DNER: variants seen among roughly 807,000 people sequenced by gnomAD.
DNER encodes delta/notch like EGF repeat containing.
DNER carries 33 observed loss-of-function variants against 78.2 expected under a neutral mutation model. The ratio of observed to expected loss-of-function variants is 0.42; its 90% CI spans 0.32 to 0.56. DNER has a LOEUF of 0.56. DNER is among the 20% of genes least tolerant of loss of function. The pLI is 0.11. For missense variants in DNER, 918 were observed against 975.3 expected, an observed-to-expected ratio of 0.94 and a Z score of 0.78; for synonymous variants, 417 against 384.8, an observed-to-expected ratio of 1.08 and a Z score of -0.98.
At chr2:229,638,844 C>A (rs899016887) in intron 1 of DNER, among the ~76,000 whole-genome samples, 1 of 152,128 alleles carries the variant, frequency 6.6e-6, no homozygotes, top group Non-Finnish European at 1.5e-5. Context: ...TCGGTAAAAC[C>A]CACCTCACAG....
rs553366082 is a variant in DNER, at chr2:229,437,780, T to C, written c.1486+9536A>G. On this transcript the variant is annotated intron_variant, in intron 8 of 12. Coordinates refer to ENST00000341772, the MANE Select transcript of DNER (RefSeq NM_139072.4). ...AGTCAAATATGAAAAGGAAAGAACA[T>C]TTCAGGGACTATAATGTCACCAGAG... is the stretch of plus-strand genomic sequence containing the variant. Among the ~76,000 whole-genome samples the C allele has an allele frequency of 1.0e-3, 152 of 152,176 alleles. 1 individual carries two copies. Among genetic ancestry groups the C allele is most frequent in the Non-Finnish European group, 5.4e-4 (37 of 68,004 alleles).
intron 6 of DNER, among the ~76,000 whole-genome samples, chr2:229,492,510 A>T (rs1337642206): frequency 6.6e-6 from 1 of 152,180 alleles, no homozygotes; most frequent in African/African-American, 2.4e-5. Context: ...TGACTCAAAG[A>T]TGGGCCCCGA....
intron 8 of DNER, among the ~76,000 whole-genome samples, chr2:229,430,773 A>G (rs931965004): frequency 4.0e-5 from 6 of 151,556 alleles, no homozygotes; most frequent in African/African-American, 1.2e-4. Flanking sequence ...TTTTATTTGT[A>G]GTAACACAAC....
At chr2:229,418,552 C>T (rs1162376661) in intron 8 of DNER, among the ~76,000 whole-genome samples, 1 of 152,054 alleles carries the variant, frequency 6.6e-6, no homozygotes, top group African/African-American at 2.4e-5. Context: ...TCTGCTGTGG[C>T]CATCAGAGAT....
intron 1 of DNER, among the ~76,000 whole-genome samples, chr2:229,645,578 G>T (rs929515658): frequency 1.3e-5 from 2 of 152,188 alleles, no homozygotes; most frequent in South Asian, 4.1e-4. Context: ...TAGGACGACT[G>T]TAATTTATCC....
At chr2:229,452,967 A>G (rs1694492821) in intron 7 of DNER, among the ~76,000 whole-genome samples, 2 of 152,272 alleles carry the variant, frequency 1.3e-5, no homozygotes, top group South Asian at 2.1e-4. Flanking sequence ...TAATTTCTCC[A>G]GCAAATAAAG....
chr2:229,563,962 A>G (rs1297984018), intron 4 of DNER, among the ~76,000 whole-genome samples: 1 of 146,218 alleles, frequency 6.8e-6, no homozygotes, highest in Non-Finnish European at 1.5e-5. Flanking sequence ...CACCATCATC[A>G]TCCTCATCCC....
chr2:229,435,537 A>G (rs1224236300), intron 8 of DNER, among the ~76,000 whole-genome samples: 1 of 152,268 alleles, frequency 6.6e-6, no homozygotes, highest in Non-Finnish European at 1.5e-5. Flanking sequence ...TAAAACCACA[A>G]AGATAAACTT....
chr2:229,648,961 C>T (rs552317592), intron 1 of DNER, among the ~76,000 whole-genome samples: 3 of 152,218 alleles, frequency 2.0e-5, no homozygotes, highest in Middle Eastern at 6.8e-3. Flanking sequence ...TTTTTCCTAC[C>T]GAGTGATAAC....
At chr2:229,397,464 A>C (rs1353080233) in intron 10 of DNER, among the ~76,000 whole-genome samples, 2 of 83,852 alleles carry the variant, frequency 2.4e-5, no homozygotes, top group Admixed American at 1.3e-4. Context: ...CAAACACTAC[A>C]AAAAAAAAAA....
At chr2:229,633,501 T>A (rs1265011322) in intron 1 of DNER, among the ~76,000 whole-genome samples, 1 of 152,220 alleles carries the variant, frequency 6.6e-6, no homozygotes, top group African/African-American at 2.4e-5. Context: ...ACTAAACAAC[T>A]AAGATAGTAG....
At chr2:229,491,987 A>G (rs1695411211) in intron 6 of DNER, among the ~76,000 whole-genome samples, 1 of 152,042 alleles carries the variant, frequency 6.6e-6, no homozygotes, top group Admixed American at 6.6e-5. Flanking sequence ...AGACACACAG[A>G]CACACAAACA....
chr2:229,376,833 T>C (rs566339940), intron 11 of DNER, among the ~76,000 whole-genome samples: 1 of 152,252 alleles, frequency 6.6e-6, no homozygotes, highest in South Asian at 2.1e-4. Flanking sequence ...GGAGAGATAT[T>C]AATTAATTTT....
At position 229,484,668 on chromosome 2, in the gene DNER, G is replaced by T. The variant is rs184847285; in HGVS notation, c.1148-7415C>A. Among the ~76,000 whole-genome samples, 173 of 152,218 alleles carry T rather than the reference G, an allele frequency of 1.1e-3. 1 individual carries two copies. The highest frequency in any genetic ancestry group is 3.5e-3 in the African/African-American group (146 of 41,514). On this transcript the variant is annotated intron_variant, in intron 6 of 12. Transcript: ENST00000341772. Reference sequence around the variant, plus strand: ...TTTATGTATTGTTATACCTCTGAAGGTGTGACTGGCATCTAGTAGGTAGAG... The same window carrying T: ...TTTATGTATTGTTATACCTCTGAAGTTGTGACTGGCATCTAGTAGGTAGAG...
intron 4 of DNER, among the ~76,000 whole-genome samples, chr2:229,564,298 C>T (rs1276420058): frequency 2.7e-5 from 3 of 111,832 alleles, no homozygotes; most frequent in Admixed American, 9.0e-5. Context: ...CATCATCATC[C>T]TCCTCACCCC....
At chr2:229,544,184 T>C (rs978586366) in intron 5 of DNER, among the ~76,000 whole-genome samples, 2 of 152,184 alleles carry the variant, frequency 1.3e-5, no homozygotes, top group African/African-American at 4.8e-5. Context: ...CACATTTTTT[T>C]CCCATAAAGT....
At chr2:229,596,087 C>T (rs1697708942) in intron 1 of DNER, among the ~76,000 whole-genome samples, 1 of 151,628 alleles carries the variant, frequency 6.6e-6, no homozygotes, top group Non-Finnish European at 1.5e-5. Context: ...TTTTTGAGGT[C>T]CAATTTCTGT....
chr2:229,605,457 T>C (rs1697916691), intron 1 of DNER, among the ~76,000 whole-genome samples: 1 of 152,230 alleles, frequency 6.6e-6, no homozygotes, highest in African/African-American at 2.4e-5. Context: ...ATTATCTCTT[T>C]TAAATGCAAA....
intron 1 of DNER, among the ~76,000 whole-genome samples, chr2:229,696,843 C>T (rs1699669803): frequency 6.6e-6 from 1 of 152,120 alleles, no homozygotes. Context: ...AGACATTAGT[C>T]TGGAATGCAA....
Sources: allele counts gnomAD v4.1 joint callset (sites outside exome capture counted in the v4.1 genomes callset), GRCh38; gene constraint gnomAD v4.1.1; transcripts MANE v1.5; gene names NCBI Gene and HGNC (gene_info 2026-07-23, HGNC 2026-07-21).